TTLL2: variants seen among roughly 807,000 people sequenced by gnomAD.
TTLL2 encodes the protein probable tubulin polyglutamylase TTLL2.
A neutral mutation model predicts 7.5 loss-of-function variants in TTLL2; 10 were observed. The ratio of observed to expected loss-of-function variants is 1.33; its 90% CI spans 0.82 to 2.25. The LOEUF (loss-of-function observed/expected upper bound fraction) is 2.25, where lower values mean the gene tolerates loss of function less well. Among genes scored for constraint, TTLL2 ranks in the 30% most tolerant of loss-of-function variants. The probability of loss-of-function intolerance (pLI) is 0.00; values close to 1 mark genes in which losing one functional copy is unlikely to be tolerated. For synonymous variants in TTLL2, 284 were observed against 280.3 expected (o/e 1.01, Z -0.13); for missense variants, 733 against 735.7 (o/e 1.00, Z 0.04).
At chr6:167,334,223 G>A (rs1393746100) in intron 1 of TTLL2, among the ~76,000 whole-genome samples, 1 of 147,736 alleles carries the variant, frequency 6.8e-6, no homozygotes, top group Non-Finnish European at 1.5e-5. Flanking sequence ...TCAGGAGCAG[G>A]TTGTTCAGTT....
Position 167,341,839 on chromosome 6 carries a change from T to G in TTLL2, c.*160T>G. On this transcript the variant is annotated 3_prime_UTR_variant, in exon 3 of 3. Transcript: ENST00000239587. Reference sequence around the variant, plus strand: ...GCCATATGTATAAATATAACAGCTCTGACAAAGCACAATATGTTCAAGTGG... The same window carrying G: ...GCCATATGTATAAATATAACAGCTCGGACAAAGCACAATATGTTCAAGTGG... The G allele has an allele frequency of 1.3e-6, 1 of 752,066 alleles. No homozygotes were observed. The highest frequency in any genetic ancestry group is 2.1e-6 in the Non-Finnish European group (1 of 481,112). 46.6% of individuals were successfully genotyped at this position (752,066 alleles called of 1,614,324 possible).
At chr6:167,335,714 C>A (rs201351987) in intron 1 of TTLL2, among the ~76,000 whole-genome samples, 1 of 151,106 alleles carries the variant, frequency 6.6e-6, no homozygotes, top group Non-Finnish European at 1.5e-5. Flanking sequence ...AGTAAACTAT[C>A]GCAAGAACAA....
At chr6:167,326,877 G>GC (rs1425925584) in intron 1 of TTLL2, among the ~76,000 whole-genome samples, 1 of 152,092 alleles carries the variant, frequency 6.6e-6, no homozygotes, top group Non-Finnish European at 1.5e-5. Context: ...AATGACCACC[G>GC]CAAGTCTCAA....
Position 167,341,380 on chromosome 6 carries a change from G to C in TTLL2, c.1480G>C (p.Gly494Arg). Residue 494 changes from glycine (G) to arginine (R), a missense_variant, in exon 3 of 3, where the codon GGG becomes CGG. Transcript: ENST00000239587. ...CTCCCAGCTGGAAGGAGAGATGAGT[G>C]GGCAGGATTTTCATCTGTCAACAAG... ...PASQLEGEMSGQDFHLSTREM... is the reference protein window; with the variant it reads ...PASQLEGEMSRQDFHLSTREM... The C allele has an allele frequency of 6.2e-7, 1 of 1,613,866 alleles. No individual in the cohort carries two copies. Among genetic ancestry groups the C allele is most frequent in the Non-Finnish European group, 8.5e-7 (1 of 1,179,988 alleles).
chr6:167,339,831 G>A (rs1779045600), intron 2 of TTLL2, among the ~76,000 whole-genome samples: 1 of 152,190 alleles, frequency 6.6e-6, no homozygotes, highest in Non-Finnish European at 1.5e-5. Flanking sequence ...TAGAGTATTT[G>A]CAAACATTTT....
chr6:167,338,308 A>G (rs1779017781), intron 1 of TTLL2, among the ~76,000 whole-genome samples: 1 of 152,068 alleles, frequency 6.6e-6, no homozygotes, highest in South Asian at 2.1e-4. Flanking sequence ...CACAACACAC[A>G]TGACACACAT....
rs41266329 is a variant in TTLL2 at position 167,325,107 on chromosome 6, G to A, written c.-67G>A. On this transcript the variant is annotated 5_prime_UTR_variant, in exon 1 of 3. Coordinates refer to ENST00000239587, the MANE Select transcript of TTLL2 (RefSeq NM_031949.5). ...AACCAGTGCTCCCTCCAGCCTCCGC[G>A]CATTTCAGCTGGCGCTGCAGCTGCT... is the stretch of plus-strand genomic sequence containing the variant. 118,629 of 1,516,116 alleles carry A rather than the reference G, an allele frequency of 0.078. 5,050 individuals are homozygous for A. Among genetic ancestry groups the A allele is most frequent in the African/African-American group, 0.092 (6,630 of 72,422 alleles). The allele number at this position is 1,516,116 out of a possible 1,614,324, so 93.9% of individuals were successfully genotyped here.
intron 1 of TTLL2, among the ~76,000 whole-genome samples, chr6:167,327,829 C>T (rs1778866049): frequency 1.3e-5 from 2 of 152,304 alleles, no homozygotes; most frequent in South Asian, 4.1e-4. Context: ...AAAATGTACA[C>T]TTTTCTTTCT....
intron 1 of TTLL2, among the ~76,000 whole-genome samples, chr6:167,337,005 G>T (rs112312567): frequency 6.6e-6 from 1 of 152,126 alleles, no homozygotes; most frequent in Admixed American, 6.5e-5. Context: ...CCTCACCCTG[G>T]CCCTCTTCAC....
rs749518555 is a variant in TTLL2, at chr6:167,340,564, A to T, written c.664A>T (p.Ile222Leu). The T allele has an allele frequency of 1.9e-6, 3 of 1,613,930 alleles. No individual in the cohort carries two copies. The African/African-American group carries it at 4.0e-5, about 22-fold the overall frequency. ...TGCTGAGTTATCTCGTGGGAGGGGG[A>T]TACTAATTTTCAGTGACTTTAAAGA... ...KPAELSRGRGILIFSDFKDFI... is the reference protein window; with the variant it reads ...KPAELSRGRGLLIFSDFKDFI... The change falls in exon 3 of 3, where the codon ATA becomes TTA. Residue 222 changes from isoleucine to leucine, a missense_variant. Coordinates refer to ENST00000239587, the MANE Select transcript of TTLL2 (RefSeq NM_031949.5).
Position 167,341,900 on chromosome 6 carries a change from C to T in TTLL2, c.*221C>T. 1 of 538,220 alleles carries T rather than the reference C, an allele frequency of 1.9e-6. No homozygotes were observed. The highest frequency in any genetic ancestry group is 3.2e-5 in the East Asian group (1 of 31,570). The allele number at this position is 538,220 out of a possible 1,614,324, so 33.3% of individuals were successfully genotyped here. ...ACATTACATCCCATGTTTATTTGCT[C>T]AGGTGTCTTGAAAGAATTCTACAAA... On this transcript the variant is annotated 3_prime_UTR_variant, in exon 3 of 3. Coordinates refer to ENST00000239587, the MANE Select transcript of TTLL2 (RefSeq NM_031949.5).
rs781345148 is a variant in TTLL2, at chr6:167,341,312, T to A, written c.1412T>A (p.Val471Glu). 6.2e-7 allele frequency: 1 copy of A among 1,613,426 alleles called. No homozygotes were observed. The highest frequency in any genetic ancestry group is 1.7e-5 in the Admixed American group (1 of 59,912). Residue 471 changes from valine to glutamate, a missense_variant, in exon 3 of 3, where the codon GTG becomes GAG. By Grantham distance (121) the Val-to-Glu change is moderately radical (BLOSUM62 -2). Transcript: ENST00000239587. Reference protein sequence around the residue: ...TSRMYNEDDSVVEKAVSVRPE... With the variant: ...TSRMYNEDDSEVEKAVSVRPE... ...AGAATGTACAACGAGGATGACTCTG[T>A]GGTGGAGAAAGCTGTGAGTGTGCGT...
At chr6:167,329,473 A>T (rs1778893040) in intron 1 of TTLL2, among the ~76,000 whole-genome samples, 1 of 152,162 alleles carries the variant, frequency 6.6e-6, no homozygotes, top group African/African-American at 2.4e-5. Flanking sequence ...CTCAGGGTTA[A>T]GACTGGGTTG....
intron 1 of TTLL2, among the ~76,000 whole-genome samples, chr6:167,334,199 T>C (rs965889930): frequency 6.8e-6 from 1 of 147,354 alleles, no homozygotes; most frequent in East Asian, 2.0e-4. Flanking sequence ...TTTCGTTATG[T>C]ACCCAGTAGT....
chr6:167,337,984 A>G (rs899628046), intron 1 of TTLL2, among the ~76,000 whole-genome samples: 10 of 152,112 alleles, frequency 6.6e-5, no homozygotes, highest in African/African-American at 2.4e-4. Context: ...CACACAATAC[A>G]CATTCACATA....
At position 167,340,945 on chromosome 6, in the gene TTLL2, G is replaced by A. The variant is rs754769234; in HGVS notation, c.1045G>A (p.Val349Ile). 2.5e-6 allele frequency: 4 copies of A among 1,614,058 alleles called. No homozygotes were observed. Among genetic ancestry groups the A allele is most frequent in the East Asian group, 2.2e-5 (1 of 44,864 alleles). Residue 349 changes from valine to isoleucine, a missense_variant, in exon 3 of 3, where the codon GTT becomes ATT. Physicochemically the swap from Val to Ile is conservative, Grantham distance 29. Transcript: ENST00000239587. ...TTTGTGGAAGAAAATCCACCGCATGGTTATTCTCACCATTCTCGCCATTGC... is the reference window on the plus strand; with the variant it reads ...TTTGTGGAAGAAAATCCACCGCATGATTATTCTCACCATTCTCGCCATTGC... Reference protein sequence around the residue: ...LLLWKKIHRMVILTILAIAPS... With the variant: ...LLLWKKIHRMIILTILAIAPS...
At chr6:167,337,785 C>T (rs928144176) in intron 1 of TTLL2, among the ~76,000 whole-genome samples, 1 of 141,088 alleles carries the variant, frequency 7.1e-6, no homozygotes, top group African/African-American at 3.2e-5. Context: ...ACACACACAC[C>T]ACACACAACA....
At position 167,328,689 on chromosome 6, in the gene TTLL2, G is replaced by A. The variant is rs183969394; in HGVS notation, c.47+3469G>A. Among the ~76,000 whole-genome samples, 18 of 152,308 alleles carry A rather than the reference G, an allele frequency of 1.2e-4. 1 individual carries two copies. The highest frequency in any genetic ancestry group is 2.6e-4 in the Admixed American group (4 of 15,304). On this transcript the variant is annotated intron_variant, in intron 1 of 2. Transcript: ENST00000239587. ...GACTCTGACCTTAGAAGTTTTCAGCGGGTGGCGTTTCACAGTAATGGAGTC... is the reference window on the plus strand; with the variant it reads ...GACTCTGACCTTAGAAGTTTTCAGCAGGTGGCGTTTCACAGTAATGGAGTC...
Position 167,342,415 on chromosome 6 carries a change from G to A in TTLL2, c.*736G>A, listed in dbSNP as rs1282420570. 6.6e-6 allele frequency among the ~76,000 whole-genome samples: 1 copy of A among 152,188 alleles called. No individual in the cohort carries two copies. Among genetic ancestry groups the A allele is most frequent in the Non-Finnish European group, 1.5e-5 (1 of 68,034 alleles). ...TAGGTTACTTGAAAACATTATTCTA[G>A]TGAAAGTAGTCAGATACAAAAGGCC... On this transcript the variant is annotated 3_prime_UTR_variant, in exon 3 of 3. Transcript: ENST00000239587.
Sources: gnomAD v4.1 joint callset for allele counts (sites outside exome capture counted in the v4.1 genomes callset) on GRCh38, gnomAD v4.1.1 for gene constraint, MANE v1.5 for transcripts, NCBI Gene and HGNC (gene_info 2026-07-23, HGNC 2026-07-21) for gene names.